Variants in SPAG16 observed in about 807,000 individuals in gnomAD.
SPAG16 encodes sperm-associated antigen 16 protein.
SPAG16 carries 86 observed loss-of-function variants against 80.4 expected under a neutral mutation model. That is an observed-to-expected ratio of 1.07 (90% CI 0.90 to 1.28). SPAG16 has a LOEUF of 1.28. Ranked by LOEUF, SPAG16 falls within the 50% of genes most tolerant of loss-of-function variation. The pLI, the probability that SPAG16 is intolerant of heterozygous loss-of-function variation, is 0.00. For synonymous variants in SPAG16, 294 were observed against 265.9 expected, an observed-to-expected ratio of 1.11 and a Z score of -1.03; for missense variants, 870 against 765.3, an observed-to-expected ratio of 1.14 and a Z score of -1.61.
intron 10 of SPAG16, among the ~76,000 whole-genome samples, chr2:213,823,994 A>G (rs1417291393): frequency 2.6e-5 from 4 of 152,152 alleles, no homozygotes; most frequent in East Asian, 3.9e-4. Flanking sequence ...GCCCATGCCT[A>G]TGTCCTGAAT....
At chr2:213,447,078 C>G (rs187109120) in intron 9 of SPAG16, among the ~76,000 whole-genome samples, 1 of 152,272 alleles carries the variant, frequency 6.6e-6, no homozygotes, top group East Asian at 1.9e-4. Context: ...ATTGTGTTAA[C>G]TCACATGTAG....
At chr2:214,404,845 T>C (rs1452864132) in intron 15 of SPAG16, among the ~76,000 whole-genome samples, 1 of 152,114 alleles carries the variant, frequency 6.6e-6, no homozygotes, top group Non-Finnish European at 1.5e-5. Context: ...TGGGAAGGGA[T>C]GTAAAATGAG....
In SPAG16 at chr2:213,310,185, A is replaced by G. The variant is rs953664720; in HGVS notation, c.398+8A>G. ...TTGCTTTCAGTCTGAATGGTAAACA[A>G]TTATGTAGATAAATAGTTCTCTTAA... On this transcript the variant is annotated splice_region_variant and intron_variant, in intron 4 of 15. Transcript: ENST00000331683. 40 of 1,522,714 alleles carry G rather than the reference A, an allele frequency of 2.6e-5. No individual in the cohort carries two copies. The highest frequency in any genetic ancestry group is 3.1e-5 in the Non-Finnish European group (34 of 1,102,798). 94.3% of individuals were successfully genotyped at this position (1,522,714 alleles called of 1,614,324 possible).
chr2:214,344,121 AAG>A (rs1177806819), intron 15 of SPAG16, among the ~76,000 whole-genome samples: 5 of 152,158 alleles, frequency 3.3e-5, no homozygotes, highest in African/African-American at 1.2e-4. Context: ...TTCTATATTC[AAG>A]AGAGAGTATC....
chr2:213,424,393 T>G (rs1409041834), intron 9 of SPAG16, among the ~76,000 whole-genome samples: 1 of 152,208 alleles, frequency 6.6e-6, no homozygotes, highest in Non-Finnish European at 1.5e-5. Context: ...ACATTTATTT[T>G]TTAAACCCGA....
chr2:213,336,807 G>C (rs772674602), intron 5 of SPAG16, among the ~76,000 whole-genome samples: 1 of 152,182 alleles, frequency 6.6e-6, no homozygotes, highest in East Asian at 1.9e-4. Flanking sequence ...TTTTCTGCCT[G>C]CTGGCTCTGG....
chr2:213,708,129 T>C (rs2065836648), intron 10 of SPAG16, among the ~76,000 whole-genome samples: 1 of 152,180 alleles, frequency 6.6e-6, no homozygotes, highest in South Asian at 2.1e-4. Context: ...GCCTACATAT[T>C]ATTTTCCATA....
At chr2:214,068,601 A>G (rs532072140) in intron 13 of SPAG16, among the ~76,000 whole-genome samples, 1 of 152,312 alleles carries the variant, frequency 6.6e-6, no homozygotes, top group African/African-American at 2.4e-5. Flanking sequence ...CTGTCCCTTG[A>G]TAACTAAATG....
At chr2:214,394,440 TA>T (rs141778090) in intron 15 of SPAG16, among the ~76,000 whole-genome samples, 2 of 152,072 alleles carry the variant, frequency 1.3e-5, no homozygotes, top group Non-Finnish European at 2.9e-5. Context: ...TGTAATTGAG[TA>T]AAAAAACTTT....
At chr2:214,058,323 T>C (rs1428757571) in intron 13 of SPAG16, among the ~76,000 whole-genome samples, 1 of 152,116 alleles carries the variant, frequency 6.6e-6, no homozygotes, top group Non-Finnish European at 1.5e-5. Context: ...TCAATGCCGT[T>C]GTCTCTCAGT....
chr2:213,915,445 C>G (rs2077911475), intron 11 of SPAG16, among the ~76,000 whole-genome samples: 1 of 152,106 alleles, frequency 6.6e-6, no homozygotes, highest in Non-Finnish European at 1.5e-5. Flanking sequence ...CTTGTCCTTG[C>G]AAAGGACATG....
At chr2:214,291,847 C>CAGTA (rs1411690492) in intron 15 of SPAG16, among the ~76,000 whole-genome samples, 1 of 152,002 alleles carries the variant, frequency 6.6e-6, no homozygotes, top group Non-Finnish European at 1.5e-5. Context: ...TTTGGTTTAT[C>CAGTA]AGTAAGTTTT....
At chr2:214,012,288 ATTT>A (rs778689045) in intron 12 of SPAG16, among the ~76,000 whole-genome samples, 5 of 46,802 alleles carry the variant, frequency 1.1e-4, no homozygotes, top group African/African-American at 1.2e-4. Flanking sequence ...ATATATATAT[ATTT>A]TTTTTTTTTT....
At chr2:213,574,665 TG>T (rs1349555366) in intron 10 of SPAG16, among the ~76,000 whole-genome samples, 1 of 147,286 alleles carries the variant, frequency 6.8e-6, no homozygotes, top group African/African-American at 2.5e-5. Flanking sequence ...ATATGATATA[TG>T]ATATATATAT....
chr2:213,854,847 A>G (rs550523422), intron 10 of SPAG16, among the ~76,000 whole-genome samples: 4 of 152,370 alleles, frequency 2.6e-5, no homozygotes, highest in African/African-American at 7.2e-5. Context: ...TCAGCAAACT[A>G]TGGCCCACAG....
intron 10 of SPAG16, among the ~76,000 whole-genome samples, chr2:213,681,031 T>G (rs1402181194): frequency 6.6e-6 from 1 of 152,194 alleles, no homozygotes; most frequent in South Asian, 2.1e-4. Context: ...ATCTCTCAGA[T>G]AGCTGACTTC....
intron 4 of SPAG16, among the ~76,000 whole-genome samples, chr2:213,311,636 A>G (rs146827868): frequency 3.0e-4 from 45 of 151,656 alleles, no homozygotes; most frequent in African/African-American, 8.2e-4. Context: ...AGTTTAGAAT[A>G]TCGTGGTTCA....
At chr2:213,610,421 G>A (rs6753360) in intron 10 of SPAG16, among the ~76,000 whole-genome samples, 3,638 of 152,168 alleles carry the variant, frequency 0.024, 147 homozygotes, top group African/African-American at 0.082. Flanking sequence ...TTCTCTCCGA[G>A]GGCTGCTTTC....
At chr2:214,129,553 A>G (rs2054658151) in intron 14 of SPAG16, among the ~76,000 whole-genome samples, 1 of 152,154 alleles carries the variant, frequency 6.6e-6, no homozygotes. Context: ...AAGATATGCA[A>G]TTGTAATAAT....
Sources: gnomAD v4.1 joint callset for allele counts (sites outside exome capture counted in the v4.1 genomes callset) on GRCh38, gnomAD v4.1.1 for gene constraint, MANE v1.5 for transcripts, NCBI Gene and HGNC (gene_info 2026-07-23, HGNC 2026-07-21) for gene names.